The following HFM1 variants were observed in gnomAD, a reference collection of about 807,000 sequenced individuals.
HFM1 encodes probable ATP-dependent DNA helicase HFM1.
HFM1 carries 169 observed loss-of-function variants against 192.1 expected under a neutral mutation model. The ratio of observed to expected loss-of-function variants is 0.88; its 90% CI spans 0.78 to 1.00. The LOEUF is 1.00. HFM1 is among the 50% of genes least tolerant of loss of function. The pLI, the probability that HFM1 is intolerant of heterozygous loss-of-function variation, is 0.00. For missense variants in HFM1, 1,661 were observed against 1,668.0 expected, an observed-to-expected ratio of 1.00 and a Z score of 0.07; for synonymous variants, 525 against 537.8, an observed-to-expected ratio of 0.98 and a Z score of 0.33.
At chr1:91,357,008 C>T (rs1345100303) in intron 13 of HFM1, among the ~76,000 whole-genome samples, 1 of 152,160 alleles carries the variant, frequency 6.6e-6, no homozygotes, top group East Asian at 1.9e-4. Flanking sequence ...AGCATCACAA[C>T]TGAATTCTAC....
chr1:91,269,673 A>G (rs940718982), intron 34 of HFM1, among the ~76,000 whole-genome samples: 1 of 152,200 alleles, frequency 6.6e-6, no homozygotes, highest in African/African-American at 2.4e-5. Context: ...TAAACCTGCA[A>G]TGGAAGTAAG....
intron 20 of HFM1, chr1:91,329,643 CT>C: frequency 1.5e-6 from 1 of 672,284 alleles, no homozygotes; most frequent in Non-Finnish European, 2.5e-6. Context: ...TAGCGTGACC[CT>C]TTTCAGTAGT....
At chr1:91,385,371 A>T (rs1662072332) in intron 5 of HFM1, 137 bp from the exon 6 acceptor site, 1 of 756,652 alleles carries the variant, frequency 1.3e-6, no homozygotes, top group Non-Finnish European at 2.2e-6. Context: ...TATTGAGAGC[A>T]AAGTTAAAAA....
At chr1:91,290,761 C>A (rs916895350) in intron 30 of HFM1, among the ~76,000 whole-genome samples, 3 of 151,898 alleles carry the variant, frequency 2.0e-5, no homozygotes, top group Non-Finnish European at 2.9e-5. Flanking sequence ...TTTTTCAGCA[C>A]CACACCACAC....
chr1:91,404,678 C>G (rs1345638067), intron 1 of HFM1, 120 bp downstream of exon 1: 6 of 294,038 alleles, frequency 2.0e-5, no homozygotes. Context: ...CGCTGCCTGC[C>G]CGGCAGACGG....
intron 30 of HFM1, among the ~76,000 whole-genome samples, chr1:91,289,643 C>T (rs188769746): frequency 1.3e-3 from 193 of 152,274 alleles, no homozygotes; most frequent in African/African-American, 4.3e-3. Flanking sequence ...GCAGAACACT[C>T]GCAGTCAGGA....
chr1:91,403,112 T>C (rs955035147), intron 1 of HFM1, among the ~76,000 whole-genome samples: 3 of 152,164 alleles, frequency 2.0e-5, no homozygotes, highest in Admixed American at 1.3e-4. Flanking sequence ...TTTTTCTTCA[T>C]AGCATGAACT....
At chr1:91,290,323 A>T (rs1183533547) in intron 30 of HFM1, among the ~76,000 whole-genome samples, 2 of 152,208 alleles carry the variant, frequency 1.3e-5, no homozygotes, top group Non-Finnish European at 2.9e-5. Flanking sequence ...AGGCAGAGAC[A>T]CACATAGGCT....
chr1:91,298,560 G>T (rs968375693), intron 30 of HFM1, among the ~76,000 whole-genome samples: 16 of 152,100 alleles, frequency 1.1e-4, no homozygotes, highest in African/African-American at 3.6e-4. Context: ...ACCCACAAAG[G>T]GAAATCCATC....
At chr1:91,289,329 C>T (rs1668428337) in intron 30 of HFM1, among the ~76,000 whole-genome samples, 1 of 151,928 alleles carries the variant, frequency 6.6e-6, no homozygotes, top group Admixed American at 6.6e-5. Flanking sequence ...ATGCTCCTCA[C>T]TTCCTAGACG....
At chr1:91,359,687 G>T (rs894802663) in intron 13 of HFM1, among the ~76,000 whole-genome samples, 13 of 152,002 alleles carry the variant, frequency 8.6e-5, no homozygotes, top group Non-Finnish European at 1.5e-4. Flanking sequence ...AACCACACTG[G>T]AAAACATACT....
Position 91,273,685 on chromosome 1 carries a change from CTCAAGTAAGTA to C in HFM1, c.3772+16_3772+26del, listed in dbSNP as rs1263911684. The C allele has an allele frequency of 8.7e-7, 1 of 1,153,530 alleles. No homozygotes were observed. The highest frequency in any genetic ancestry group is 1.5e-5 in the African/African-American group (1 of 65,528). 71.5% of individuals were successfully genotyped at this position (1,153,530 alleles called of 1,614,324 possible). A position where few individuals can be genotyped will look rare whatever the true frequency, so the allele number is the denominator to read the frequency against. On this transcript the variant is annotated intron_variant, in intron 34 of 38. Coordinates refer to ENST00000370425, the MANE Select transcript of HFM1 (RefSeq NM_001017975.6). ...AAAGTAATAATAAGCCATTTACTCT[CTCAAGTAAGTA>C]TCAATGGTAATTTACCTTTGTCTTG...
intron 18 of HFM1, among the ~76,000 whole-genome samples, 198 bp downstream of exon 18, chr1:91,350,540 G>C (rs1430949043): frequency 6.6e-6 from 1 of 151,810 alleles, no homozygotes; most frequent in Admixed American, 6.6e-5. Flanking sequence ...TTCAAACCTT[G>C]TTGAAACACT....
intron 30 of HFM1, among the ~76,000 whole-genome samples, chr1:91,296,334 A>G (rs1647562879): frequency 6.6e-6 from 1 of 152,180 alleles, no homozygotes; most frequent in Non-Finnish European, 1.5e-5. Context: ...TGACTGTATT[A>G]TTTGTAGGTG....
At chr1:91,365,830 A>G (rs1257078184) in intron 13 of HFM1, among the ~76,000 whole-genome samples, 1 of 152,146 alleles carries the variant, frequency 6.6e-6, no homozygotes. Context: ...ACATGGTGAG[A>G]TGATTGATTC....
At chr1:91,292,217 G>A (rs1386787132) in intron 30 of HFM1, among the ~76,000 whole-genome samples, 1 of 150,200 alleles carries the variant, frequency 6.7e-6, no homozygotes, top group African/African-American at 2.5e-5. Flanking sequence ...TTAGGCAGGA[G>A]AAGGAAATAA....
At chr1:91,341,016 A>C (rs184823110) in intron 20 of HFM1, among the ~76,000 whole-genome samples, 30 of 152,318 alleles carry the variant, frequency 2.0e-4, no homozygotes, top group African/African-American at 5.8e-4. Context: ...CCCCACTGAC[A>C]GTATTAGACA....
intron 23 of HFM1, among the ~76,000 whole-genome samples, chr1:91,320,065 A>G (rs1160513040): frequency 1.3e-5 from 2 of 152,184 alleles, no homozygotes; most frequent in Non-Finnish European, 2.9e-5. Context: ...AACTTACCTA[A>G]TCAGGCATTG....
chr1:91,352,597 A>G lies in HFM1; in HGVS notation c.1886T>C (p.Ile629Thr). 1.9e-6 allele frequency: 3 copies of G among 1,609,716 alleles called. No individual in the cohort carries two copies. Among genetic ancestry groups the G allele is most frequent in the Non-Finnish European group, 2.5e-6 (3 of 1,177,194 alleles). The change falls in exon 16 of 39, where the codon ATA becomes ACA. Residue 629 changes from isoleucine (I) to threonine (T), a missense_variant. Coordinates refer to ENST00000370425, the MANE Select transcript of HFM1 (RefSeq NM_001017975.6). ...GVNLPAHLVV[I>T]KSTMHYAGGL... The stretch of plus-strand genomic sequence containing the variant: ...TCCAGCATAATGCATTGTAGATTTT[A>G]TAACTACTAGGTGAGCAGGCAAATT...
Sources: gnomAD v4.1 joint callset for allele counts (sites outside exome capture counted in the v4.1 genomes callset) on GRCh38, gnomAD v4.1.1 for gene constraint, MANE v1.5 for transcripts, NCBI Gene and HGNC (gene_info 2026-07-23, HGNC 2026-07-21) for gene names.